NIN: variants seen among roughly 807,000 people sequenced by gnomAD.
The protein encoded by NIN is glycogen synthase kinase 3 beta-interacting protein.
Under a neutral mutation model 257.6 loss-of-function variants are expected in NIN, and 137 were observed. The ratio of observed to expected loss-of-function variants is 0.53; its 90% confidence interval spans 0.46 to 0.61. NIN has a LOEUF of 0.61. Ranked by LOEUF, NIN falls within the 20% of genes least tolerant of loss-of-function variation. The pLI is 0.00. For missense variants in NIN, 2,439 were observed against 2,501.2 expected (o/e 0.98, Z 0.53); for synonymous variants, 918 against 919.8 (o/e 1.00, Z 0.04).
At chr14:50,802,111 T>C (rs1294448504) in intron 4 of NIN, among the ~76,000 whole-genome samples, 1 of 152,212 alleles carries the variant, frequency 6.6e-6, no homozygotes, top group Non-Finnish European at 1.5e-5. Flanking sequence ...AATAATTAAG[T>C]TGTTGCCCCT....
chr14:50,823,734 T>A (rs2045338956), intron 2 of NIN, among the ~76,000 whole-genome samples: 2 of 152,206 alleles, frequency 1.3e-5, no homozygotes, highest in Non-Finnish European at 2.9e-5. Flanking sequence ...CTTGGACAGG[T>A]CTCTTCTCCT....
chr14:50,739,581 C>T, intron 25 of NIN, 94 bp from the exon 26 acceptor site: 2 of 1,109,240 alleles, frequency 1.8e-6, no homozygotes, highest in South Asian at 3.0e-5. Flanking sequence ...GACAACGACT[C>T]CTAATAAGTA....
In NIN at chr14:50,737,896, C is replaced by T. The variant is rs1032838208; in HGVS notation, c.5775+244G>A. ...TCCTGACTTGGTGATCTGCCTGCATCGGCCTCCCAAAGTGCTGGGATTACA... is the reference window on the plus strand; with the variant it reads ...TCCTGACTTGGTGATCTGCCTGCATTGGCCTCCCAAAGTGCTGGGATTACA... On this transcript the variant is annotated intron_variant, in intron 27 of 30. Coordinates refer to ENST00000530997, the MANE Select transcript of NIN (RefSeq NM_020921.4). 2.6e-5 allele frequency among the ~76,000 whole-genome samples: 4 copies of T among 152,216 alleles called. No homozygotes were observed. In the East Asian group the frequency reaches 5.8e-4, roughly 22 times the overall value.
At chr14:50,818,917 A>C (rs1178620462) in intron 3 of NIN, among the ~76,000 whole-genome samples, 2 of 151,504 alleles carry the variant, frequency 1.3e-5, no homozygotes, top group African/African-American at 4.8e-5. Context: ...AAAACAAGTT[A>C]TTGAAGATGC....
chr14:50,741,076 T>C (rs2041259433), intron 25 of NIN, among the ~76,000 whole-genome samples: 1 of 152,246 alleles, frequency 6.6e-6, no homozygotes, highest in Non-Finnish European at 1.5e-5. Context: ...ACTATTGTTT[T>C]ATGCCTTTTT....
At chr14:50,813,567 G>A (rs527419589) in intron 3 of NIN, among the ~76,000 whole-genome samples, 20 of 152,188 alleles carry the variant, frequency 1.3e-4, no homozygotes, top group African/African-American at 3.6e-4. Context: ...TTTTAGAAAC[G>A]CAATTTGCTT....
At chr14:50,824,631 C>T (rs1197143707) in intron 2 of NIN, among the ~76,000 whole-genome samples, 16 of 152,176 alleles carry the variant, frequency 1.1e-4, no homozygotes, top group Admixed American at 9.2e-4. Context: ...AAGATCCACG[C>T]TCCTATTTCT....
At chr14:50,729,478 G>T in intron 29 of NIN, 45 bp downstream of exon 29, 1 of 1,554,124 alleles carries the variant, frequency 6.4e-7, no homozygotes, top group South Asian at 1.2e-5. Context: ...CAAATAAACA[G>T]GTAAAATTAA....
intron 20 of NIN, among the ~76,000 whole-genome samples, chr14:50,753,596 T>C (rs10141499): frequency 0.78 from 118,783 of 152,078 alleles, 46,816 homozygotes; most frequent in African/African-American, 0.86. Flanking sequence ...TACATGGTAG[T>C]ATTTTGTATT....
At chr14:50,743,031 T>G (rs1016116487) in intron 24 of NIN, among the ~76,000 whole-genome samples, 1 of 152,198 alleles carries the variant, frequency 6.6e-6, no homozygotes, top group South Asian at 2.1e-4. Context: ...TAGCATGATC[T>G]TGGCTCACTG....
intron 27 of NIN, among the ~76,000 whole-genome samples, chr14:50,736,770 A>C (rs972369253): frequency 2.6e-5 from 4 of 152,222 alleles, no homozygotes; most frequent in African/African-American, 9.7e-5. Context: ...CTTACTGCAA[A>C]TGGTCATGAT....
At chr14:50,771,554 C>CT in intron 9 of NIN, 86 bp from the exon 10 acceptor site, 1 of 1,408,464 alleles carries the variant, frequency 7.1e-7, no homozygotes, top group Non-Finnish European at 9.8e-7. Flanking sequence ...TATACAAACT[C>CT]TGAGAGCTGA....
At chr14:50,745,830 A>G (rs1167664950) in intron 22 of NIN, among the ~76,000 whole-genome samples, 1 of 152,206 alleles carries the variant, frequency 6.6e-6, no homozygotes, top group Non-Finnish European at 1.5e-5. Context: ...TAACACAGAT[A>G]GAAGTGCTTT....
At chr14:50,821,742 C>A (rs913336442) in intron 3 of NIN, 132 bp downstream of exon 3, 1 of 730,840 alleles carries the variant, frequency 1.4e-6, no homozygotes, top group Admixed American at 2.2e-5. Context: ...ACACCCATTA[C>A]ATTCTTCTTT....
At position 50,721,383 on chromosome 14, in the gene NIN, C is replaced by T. The variant is rs533640180; in HGVS notation, c.*2080G>A. The T allele has an allele frequency of 8.5e-5, 18 of 212,178 alleles. No individual in the cohort carries two copies. Among genetic ancestry groups the T allele is most frequent in the Non-Finnish European group, 1.7e-4 (18 of 104,820 alleles). 13.1% of individuals were successfully genotyped at this position (212,178 alleles called of 1,614,324 possible). A position where few individuals can be genotyped will look rare whatever the true frequency, so the allele number is the denominator to read the frequency against. On this transcript the variant is annotated 3_prime_UTR_variant, in exon 31 of 31. Coordinates refer to ENST00000530997, the MANE Select transcript of NIN (RefSeq NM_020921.4). ...CCTACACCTCTCATACTGTAAAAGACAAAAATTAAAAATACAACAACCGTG... is the reference window on the plus strand; with the variant it reads ...CCTACACCTCTCATACTGTAAAAGATAAAAATTAAAAATACAACAACCGTG...
chr14:50,738,392 C>G, intron 26 of NIN, 106 bp from the exon 27 acceptor site: 1 of 904,388 alleles, frequency 1.1e-6, no homozygotes. Context: ...TCCTGTTTAA[C>G]ATCCTTTTTC....
At chr14:50,791,714 T>C (rs73297378) in intron 5 of NIN, among the ~76,000 whole-genome samples, 1,703 of 152,230 alleles carry the variant, frequency 0.011, 33 homozygotes, top group African/African-American at 0.04. Context: ...ACTGGATGTC[T>C]GATTGCTGGG....
intron 17 of NIN, 147 bp downstream of exon 17, chr14:50,759,710 C>T (rs1293380853): frequency 1.1e-5 from 9 of 793,618 alleles, no homozygotes; most frequent in Admixed American, 7.3e-5. Context: ...AGCCAGGTCT[C>T]GATCTCCTGA....
At chr14:50,766,468 A>G in intron 13 of NIN, 72 bp from the exon 14 acceptor site, 1 of 1,301,350 alleles carries the variant, frequency 7.7e-7, no homozygotes, top group Non-Finnish European at 1.1e-6. Flanking sequence ...GCAAAGGCCC[A>G]GTTTCTGGTA....
Sources: gnomAD v4.1 joint callset for allele counts (sites outside exome capture counted in the v4.1 genomes callset) on GRCh38, gnomAD v4.1.1 for gene constraint, MANE v1.5 for transcripts, NCBI Gene and HGNC (gene_info 2026-07-23, HGNC 2026-07-21) for gene names.